Variants in CEP162 observed in about 807,000 individuals in gnomAD.
CEP162 encodes centrosomal protein 162, also known as centrosomal protein of 162 kDa.
Under a neutral mutation model 169.2 loss-of-function variants are expected in CEP162, and 141 were observed. The ratio of observed to expected loss-of-function variants is 0.83; its 90% CI spans 0.73 to 0.96. CEP162 has a LOEUF of 0.96. Ranked by LOEUF, CEP162 falls within the 40% of genes least tolerant of loss-of-function variation. CEP162 has a pLI of 0.00. For synonymous variants in CEP162, 540 were observed against 526.4 expected (o/e 1.03, Z -0.35); for missense variants, 1,600 against 1,587.2 (o/e 1.01, Z -0.14).
intron 13 of CEP162, among the ~76,000 whole-genome samples, chr6:84,176,326 G>A (rs993357855): frequency 2.0e-5 from 3 of 152,078 alleles, no homozygotes; most frequent in African/African-American, 7.2e-5. Context: ...TATTTTTCCA[G>A]GTATGTGAAG....
At position 84,186,384 on chromosome 6, in the gene CEP162, T is replaced by C; in HGVS notation, c.1349A>G (p.Lys450Arg). ...TGATGAAGAATTAACAGTTATTTTT[T>C]TCCTCAAAATATTAAGGTACATTTT... ...VDKMYLNILR[K>R]KITVNSSSLS... The change falls in exon 12 of 27, where the codon AAA becomes AGA. Residue 450 changes from lysine to arginine, a missense_variant. Transcript: ENST00000403245. The C allele has an allele frequency of 6.6e-7, 1 of 1,512,822 alleles. No individual in the cohort carries two copies. The highest frequency in any genetic ancestry group is 2.3e-5 in the East Asian group (1 of 44,304). 93.7% of individuals were successfully genotyped at this position (1,512,822 alleles called of 1,614,324 possible).
At chr6:84,224,076 CT>C (rs973554223) in intron 2 of CEP162, among the ~76,000 whole-genome samples, 1 of 152,154 alleles carries the variant, frequency 6.6e-6, no homozygotes, top group African/African-American at 2.4e-5. Flanking sequence ...CACACAAAAA[CT>C]TGTACATGAT....
intron 21 of CEP162, among the ~76,000 whole-genome samples, chr6:84,157,695 T>C (rs2099523793): frequency 6.6e-6 from 1 of 152,140 alleles, no homozygotes; most frequent in Non-Finnish European, 1.5e-5. Context: ...TCTTCAGACT[T>C]TCAATTAGTA....
At chr6:84,185,702 GT>G (rs1408499984) in intron 12 of CEP162, among the ~76,000 whole-genome samples, 2 of 152,090 alleles carry the variant, frequency 1.3e-5, no homozygotes, top group Non-Finnish European at 2.9e-5. Context: ...ACCAAGATGT[GT>G]AATTACTTGA....
chr6:84,181,002 G>C (rs2099534578), intron 13 of CEP162, among the ~76,000 whole-genome samples: 1 of 151,986 alleles, frequency 6.6e-6, no homozygotes, highest in Admixed American at 6.6e-5. Flanking sequence ...CTACTTTAAA[G>C]TTCATATGGA....
chr6:84,210,723 T>A (rs1163343506), intron 6 of CEP162, among the ~76,000 whole-genome samples: 1 of 152,076 alleles, frequency 6.6e-6, no homozygotes, highest in Non-Finnish European at 1.5e-5. Flanking sequence ...CAAGAACAAG[T>A]GGGATGCTGT....
chr6:84,136,947 A>C (rs951786391), intron 25 of CEP162, among the ~76,000 whole-genome samples: 1 of 152,180 alleles, frequency 6.6e-6, no homozygotes, highest in Non-Finnish European at 1.5e-5. Flanking sequence ...GAACTGAAAT[A>C]CTTCATAGGA....
At chr6:84,180,771 A>T (rs1247972440) in intron 13 of CEP162, among the ~76,000 whole-genome samples, 5 of 152,212 alleles carry the variant, frequency 3.3e-5, no homozygotes, top group African/African-American at 1.2e-4. Flanking sequence ...TAAAATACCT[A>T]GGAATCCAAC....
At chr6:84,187,446 A>C (rs1343035294) in intron 11 of CEP162, among the ~76,000 whole-genome samples, 1 of 152,226 alleles carries the variant, frequency 6.6e-6, no homozygotes, top group Non-Finnish European at 1.5e-5. Context: ...AGTAGGTGGA[A>C]TCATCAGAAA....
intron 25 of CEP162, among the ~76,000 whole-genome samples, chr6:84,137,535 TA>T (rs1307758665): frequency 1.3e-5 from 2 of 151,722 alleles, no homozygotes; most frequent in South Asian, 2.1e-4. Flanking sequence ...ATATGCAGAT[TA>T]AAAAAAATAA....
At chr6:84,155,227 T>G in intron 22 of CEP162, 71 bp downstream of exon 22, 69 of 1,137,306 alleles carry the variant, frequency 6.1e-5, no homozygotes, top group Non-Finnish European at 8.2e-5. Flanking sequence ...TTTGTTAAAG[T>G]GAGATCCTAA....
intron 23 of CEP162, among the ~76,000 whole-genome samples, chr6:84,151,224 G>A (rs904601582): frequency 3.9e-5 from 6 of 151,944 alleles, no homozygotes; most frequent in Non-Finnish European, 8.8e-5. Flanking sequence ...GAGTGACCCA[G>A]GTATATGAGT....
Position 84,194,901 on chromosome 6 carries a change from A to G in CEP162, c.1010T>C (p.Ile337Thr), listed in dbSNP as rs150262418. The G allele has an allele frequency of 6.8e-6, 11 of 1,609,650 alleles. No homozygotes were observed. In the African/African-American group the frequency reaches 1.5e-4, roughly 22 times the overall value. The change falls in exon 10 of 27, where the codon ATC (isoleucine) becomes ACC (threonine). Residue 337 changes from isoleucine (I) to threonine (T), a missense_variant. Coordinates refer to ENST00000403245, the MANE Select transcript of CEP162 (RefSeq NM_014895.4). ...PQENEENSKN[I>T]STMESDLPTV... ...GTTTTTACCAGATTCCATAGTAGAG[A>G]TGTTTTTTGAATTCTCTTCATTTTC...
Position 84,125,008 on chromosome 6 carries a change from G to T in CEP162, c.*62C>A. The stretch of plus-strand genomic sequence containing the variant: ...TTGTTTTTCATAAGCTGTCCTGACA[G>T]TGGCACAATCCCATCCATCTTCAGG... On this transcript the variant is annotated 3_prime_UTR_variant, in exon 27 of 27. Coordinates refer to ENST00000403245, the MANE Select transcript of CEP162 (RefSeq NM_014895.4). 1.6e-6 allele frequency: 2 copies of T among 1,231,322 alleles called. No homozygotes were observed. Among genetic ancestry groups the T allele is most frequent in the Admixed American group, 2.0e-5 (1 of 49,850 alleles). The allele number at this position is 1,231,322 out of a possible 1,614,324, so 76.3% of individuals were successfully genotyped here.
intron 9 of CEP162, among the ~76,000 whole-genome samples, chr6:84,200,442 A>G (rs141469617): frequency 2.6e-5 from 4 of 152,354 alleles, no homozygotes; most frequent in East Asian, 3.9e-4. Flanking sequence ...GAAAAGCACA[A>G]TAAGACCAAA....
chr6:84,166,960 T>C (rs1403992537), intron 18 of CEP162, among the ~76,000 whole-genome samples: 1 of 152,126 alleles, frequency 6.6e-6, no homozygotes, highest in Non-Finnish European at 1.5e-5. Context: ...CCCAAATAAT[T>C]TTTACGATTA....
At chr6:84,192,131 A>G (rs2099540188) in intron 11 of CEP162, among the ~76,000 whole-genome samples, 1 of 152,194 alleles carries the variant, frequency 6.6e-6, no homozygotes, top group South Asian at 2.1e-4. Flanking sequence ...GTGAGCAAGA[A>G]ATACATTTTT....
chr6:84,153,302 C>G (rs1379879903), intron 22 of CEP162, 123 bp from the exon 23 acceptor site: 1 of 836,336 alleles, frequency 1.2e-6, no homozygotes, highest in Non-Finnish European at 1.8e-6. Context: ...ATTCTGATGT[C>G]TACAATTCTG....
chr6:84,189,402 G>A (rs1337774626), intron 11 of CEP162, among the ~76,000 whole-genome samples: 3 of 152,202 alleles, frequency 2.0e-5, no homozygotes, highest in Admixed American at 1.3e-4. Context: ...GGCTGCGTGC[G>A]GCGCTTGCGG....
Sources: gnomAD v4.1 joint callset for allele counts (sites outside exome capture counted in the v4.1 genomes callset) on GRCh38, gnomAD v4.1.1 for gene constraint, MANE v1.5 for transcripts, NCBI Gene and HGNC (gene_info 2026-07-23, HGNC 2026-07-21) for gene names.